Variants in BAZ2B observed in about 807,000 individuals in gnomAD.
BAZ2B encodes the protein bromodomain adjacent to zinc finger domain 2B.
A neutral mutation model predicts 246.0 loss-of-function variants in BAZ2B; 91 were observed. That is an observed-to-expected ratio of 0.37 (90% CI 0.31 to 0.44). BAZ2B has a LOEUF of 0.44. Among genes scored for constraint, BAZ2B ranks in the 20% least tolerant of loss-of-function variants. The pLI is 1.00. For synonymous variants in BAZ2B, 855 were observed against 860.0 expected (o/e 0.99, Z 0.10); for missense variants, 2,332 against 2,533.7 (o/e 0.92, Z 1.71).
At chr2:159,414,672 C>A (rs1448998239) in intron 13 of BAZ2B, among the ~76,000 whole-genome samples, 1 of 151,828 alleles carries the variant, frequency 6.6e-6, no homozygotes, top group East Asian at 1.9e-4. Context: ...CAAAAATTAG[C>A]TGGGCACGGT....
At chr2:159,704,456 C>T in the BAZ2B span, among the ~76,000 whole-genome samples, 14 of 122,900 alleles carry the variant, frequency 1.1e-4, no homozygotes, top group African/African-American at 4.7e-4. Context: ...TCCTCCCTCC[C>T]TCCCTCCCTC....
intron 14 of BAZ2B, among the ~76,000 whole-genome samples, chr2:159,409,302 C>T (rs891207591): frequency 6.6e-6 from 1 of 152,020 alleles, no homozygotes; most frequent in Non-Finnish European, 1.5e-5. Flanking sequence ...CTTAAAATAA[C>T]GGTGCATGGT....
Position 159,349,291 on chromosome 2 carries a change from A to G in BAZ2B, c.4864-11T>C, listed in dbSNP as rs758115157. 10 of 1,573,466 alleles carry G rather than the reference A, an allele frequency of 6.4e-6. No homozygotes were observed. Among genetic ancestry groups the G allele is most frequent in the African/African-American group, 1.4e-5 (1 of 73,486 alleles). ...TACTCCACCTTTCACCTGCAAAAAG[A>G]AAACATTTATTAATGAAAAGTAGAT... On this transcript the variant is annotated splice_polypyrimidine_tract_variant and intron_variant, in intron 28 of 36. Coordinates refer to ENST00000392783, the MANE Select transcript of BAZ2B (RefSeq NM_013450.4).
chr2:159,569,996 G>T (rs1052815654), intron 1 of BAZ2B, among the ~76,000 whole-genome samples: 1 of 151,916 alleles, frequency 6.6e-6, no homozygotes. Flanking sequence ...TACATAGTAC[G>T]TTTTCAATAT....
At chr2:159,547,534 C>T (rs533616626) in intron 2 of BAZ2B, among the ~76,000 whole-genome samples, 2 of 152,286 alleles carry the variant, frequency 1.3e-5, no homozygotes, top group South Asian at 4.1e-4. Flanking sequence ...ATTTTATCCA[C>T]TCCCTGACTA....
intron 20 of BAZ2B, among the ~76,000 whole-genome samples, chr2:159,394,714 G>A (rs2063784312): frequency 6.6e-6 from 1 of 152,110 alleles, no homozygotes; most frequent in South Asian, 2.1e-4. Flanking sequence ...ACTGTTCCAA[G>A]AACTTTACAT....
chr2:159,372,247 A>G (rs1397030239), intron 27 of BAZ2B, among the ~76,000 whole-genome samples: 2 of 152,196 alleles, frequency 1.3e-5, no homozygotes, highest in Non-Finnish European at 2.9e-5. Flanking sequence ...TTTATCTTCC[A>G]TGTCTGATGG....
chr2:159,432,703 G>A (rs185647143), intron 9 of BAZ2B, 54 bp downstream of exon 9: 18,982 of 1,554,570 alleles, frequency 0.012, 399 homozygotes, highest in South Asian at 0.073. Flanking sequence ...CCTTTAAAAT[G>A]TTTGGTTCAC....
At chr2:159,573,178 T>C (rs1055836459) in intron 1 of BAZ2B, among the ~76,000 whole-genome samples, 1 of 152,184 alleles carries the variant, frequency 6.6e-6, no homozygotes, top group Non-Finnish European at 1.5e-5. Context: ...AAGTTAAATT[T>C]TGGATTATTT....
intron 23 of BAZ2B, among the ~76,000 whole-genome samples, chr2:159,384,121 TAAG>T (rs774014998): frequency 6.6e-6 from 1 of 152,042 alleles, no homozygotes; most frequent in African/African-American, 2.4e-5. Context: ...AAACAGTAAC[TAAG>T]AATATTATGA....
the BAZ2B span, among the ~76,000 whole-genome samples, chr2:159,643,595 G>C: frequency 6.6e-6 from 1 of 151,946 alleles, no homozygotes; most frequent in Non-Finnish European, 1.5e-5. Context: ...TCTTAACTTG[G>C]CTGGTGCGGT....
intron 4 of BAZ2B, among the ~76,000 whole-genome samples, chr2:159,450,071 A>C (rs2074837613): frequency 6.6e-6 from 1 of 152,232 alleles, no homozygotes. Context: ...AATTTAACAC[A>C]GAGTCTGTAA....
Position 159,472,147 on chromosome 2 carries a change from T to C in BAZ2B, c.145+6428A>G, listed in dbSNP as rs1213970075. Among the ~76,000 whole-genome samples the C allele has an allele frequency of 3.3e-5, 5 of 152,248 alleles. 1 individual carries two copies. Among genetic ancestry groups the C allele is most frequent in the Admixed American group, 2.0e-4 (3 of 15,290 alleles). On this transcript the variant is annotated intron_variant, in intron 3 of 36. Transcript: ENST00000392783. ...CTCTTATTTCCTCGAGCAGTGGTTA[T>C]AGTTCTCCTTGAAGAGGTCCTTCAC... is the stretch of plus-strand genomic sequence containing the variant.
At chr2:159,476,973 A>G (rs1431916245) in intron 3 of BAZ2B, among the ~76,000 whole-genome samples, 2 of 152,226 alleles carry the variant, frequency 1.3e-5, no homozygotes, top group Non-Finnish European at 2.9e-5. Flanking sequence ...CTTGATGAAG[A>G]CTGTACACAA....
intron 34 of BAZ2B, among the ~76,000 whole-genome samples, chr2:159,330,137 G>A (rs981767822): frequency 3.3e-5 from 5 of 152,142 alleles, no homozygotes; most frequent in Non-Finnish European, 7.3e-5. Flanking sequence ...TTGCTATCTT[G>A]TGAAATATAG....
Position 159,462,580 on chromosome 2 carries a change from G to C in BAZ2B, c.146-8779C>G, listed in dbSNP as rs145868516. On this transcript the variant is annotated intron_variant, in intron 3 of 36. Coordinates refer to ENST00000392783, the MANE Select transcript of BAZ2B (RefSeq NM_013450.4). The stretch of plus-strand genomic sequence containing the variant: ...TCTCTATGATTTTAATAAACTCCTT[G>C]GCAGTTTGTGCGTCATTCGAAACAG... The C allele has an allele frequency of 8.7e-4, 761 of 869,822 alleles. 9 individuals are homozygous for C. In the East Asian group the frequency reaches 0.018, roughly 20 times the overall value. 53.9% of individuals were successfully genotyped at this position (869,822 alleles called of 1,614,324 possible).
chr2:159,543,828 C>T (rs1237673951), intron 2 of BAZ2B, among the ~76,000 whole-genome samples: 3 of 152,350 alleles, frequency 2.0e-5, no homozygotes, highest in Non-Finnish European at 2.9e-5. Flanking sequence ...GCCACCGCGC[C>T]TGGCCAACAA....
the BAZ2B span, among the ~76,000 whole-genome samples, chr2:159,657,843 C>A: frequency 1.6e-4 from 25 of 152,148 alleles, no homozygotes; most frequent in African/African-American, 5.3e-4. Context: ...TTTATTAGTT[C>A]CAGATTTTTT....
intron 14 of BAZ2B, 90 bp from the exon 15 acceptor site, chr2:159,405,204 A>G (rs1288097061): frequency 3.6e-6 from 4 of 1,117,054 alleles, no homozygotes; most frequent in Middle Eastern, 2.7e-4. Flanking sequence ...ATCATCATAA[A>G]GGATATAATT....
Sources: allele counts gnomAD v4.1 joint callset (sites outside exome capture counted in the v4.1 genomes callset), GRCh38; gene constraint gnomAD v4.1.1; transcripts MANE v1.5; gene names NCBI Gene and HGNC (gene_info 2026-07-23, HGNC 2026-07-21).